CUX1: variants seen among roughly 807,000 people sequenced by gnomAD.
The protein encoded by CUX1 is protein CASP.
CUX1 carries 31 observed loss-of-function variants against 158.8 expected under a neutral mutation model. The observed-to-expected ratio is 0.20, with a 90% CI of 0.15 to 0.26. CUX1 has a LOEUF of 0.26. CUX1 is among the 10% of genes least tolerant of loss of function. The pLI, the probability that CUX1 is intolerant of heterozygous loss-of-function variation, is 1.00. For synonymous variants in CUX1, 879 were observed against 862.1 expected (o/e 1.02, Z -0.34); for missense variants, 1,589 against 2,014.6 (o/e 0.79, Z 4.04).
In CUX1 at chr7:101,879,149, G is replaced by A. The variant is rs182826871; in HGVS notation, c.31-36966G>A. Among the ~76,000 whole-genome samples the A allele has an allele frequency of 4.1e-4, 62 of 152,264 alleles. 1 individual carries two copies. Among genetic ancestry groups the A allele is most frequent in the African/African-American group, 1.5e-3 (61 of 41,528 alleles). ...TTCAAAGCCTTTTCAAGCATATCTT[G>A]AGGACACTGTTCCCTGCAGCTGAAC... On this transcript the variant is annotated intron_variant, in intron 1 of 23. Coordinates refer to ENST00000292535, the MANE Select transcript of CUX1 (RefSeq NM_181552.4).
rs1801113864 is a variant in CUX1 at position 102,248,765 on chromosome 7, C to G, written c.4241C>G (p.Pro1414Arg). The change falls in exon 24 of 24, where the codon CCC becomes CGC. Residue 1414 changes from proline (P) to arginine (R), a missense_variant. By Grantham distance (103) the Pro-to-Arg change is moderately radical. Around this residue, in one of 8 missense-constraint regions of CUX1, gnomAD observed 344 missense variants for 323.7 expected, o/e 1.06. Coordinates refer to ENST00000292535, the MANE Select transcript of CUX1 (RefSeq NM_181552.4). This position sits in a 1 kb window ranked among gnomAD's most constrained non-coding sequence, Gnocchi z 5.8. ...GCCTCCGCGACCGCCACCGCCGCGC[C>G]CGCGGCCCCCGAGGACGCCGCTACC... ...SPASATATAA[P>R]AAPEDAATSA... is the part of the protein sequence containing the mutation. 1.9e-6 allele frequency: 2 copies of G among 1,035,782 alleles called. No individual in the cohort carries two copies. Among genetic ancestry groups the G allele is most frequent in the East Asian group, 7.6e-5 (1 of 13,158 alleles). The allele number at this position is 1,035,782 out of a possible 1,614,324, so 64.2% of individuals were successfully genotyped here. A position where few individuals can be genotyped will look rare whatever the true frequency, so the allele number is the denominator to read the frequency against.
chr7:102,172,494 A>C (rs1039070382), intron 10 of CUX1, among the ~76,000 whole-genome samples: 3 of 152,144 alleles, frequency 2.0e-5, no homozygotes, highest in African/African-American at 7.2e-5. Flanking sequence ...TCCTGTCCTC[A>C]GGTTATCCAC....
intron 10 of CUX1, among the ~76,000 whole-genome samples, chr7:102,178,185 A>G (rs1554512567): frequency 6.6e-6 from 1 of 152,208 alleles, no homozygotes; most frequent in African/African-American, 2.4e-5. Flanking sequence ...TACAGGCGTG[A>G]GCCATTGCAC....
At chr7:102,035,743 A>T (rs2129349737) in intron 3 of CUX1, among the ~76,000 whole-genome samples, 1 of 151,764 alleles carries the variant, frequency 6.6e-6, no homozygotes, top group South Asian at 2.1e-4. Flanking sequence ...ATATTGAAGG[A>T]TATTAAAGGA....
intron 2 of CUX1, among the ~76,000 whole-genome samples, chr7:101,938,933 T>G (rs907488019): frequency 1.3e-5 from 2 of 150,196 alleles, no homozygotes; most frequent in African/African-American, 4.9e-5. Flanking sequence ...CCCAGCTACT[T>G]GGGAGGCTGA....
Position 101,869,962 on chromosome 7 carries a change from C to T in CUX1, c.31-46153C>T, listed in dbSNP as rs1038363051. On this transcript the variant is annotated intron_variant, in intron 1 of 23. Transcript: ENST00000292535. This position sits in a 1 kb window ranked among gnomAD's most constrained non-coding sequence, Gnocchi z 4.5. ...AACCACCACCCTTGGGAAGGCGGCT[C>T]CTCGTGCCCCCCCTCTTGTGCCTTC... Among the ~76,000 whole-genome samples, 1 of 151,976 alleles carries T rather than the reference C, an allele frequency of 6.6e-6. No homozygotes were observed. Among genetic ancestry groups the T allele is most frequent in the African/African-American group, 2.4e-5 (1 of 41,374 alleles).
At chr7:101,929,202 A>G (rs1260018498) in intron 2 of CUX1, among the ~76,000 whole-genome samples, 1 of 152,146 alleles carries the variant, frequency 6.6e-6, no homozygotes, top group Non-Finnish European at 1.5e-5. Flanking sequence ...AAATAAAGCT[A>G]TAAACGAACA....
rs370556144 is a variant in CUX1 at position 101,835,828 on chromosome 7, C to T, written c.30+18159C>T. Among the ~76,000 whole-genome samples the T allele has an allele frequency of 9.2e-5, 14 of 152,246 alleles. No homozygotes were observed. The South Asian group carries it at 1.9e-3, about 20-fold the overall frequency. On this transcript the variant is annotated intron_variant, in intron 1 of 23. Coordinates refer to ENST00000292535, the MANE Select transcript of CUX1 (RefSeq NM_181552.4). ...TTGGCTCACTGCAATCTCCATCTCC[C>T]GGGTTCAAGCGATTCTCCTGCCTCA...
At chr7:102,280,922 C>T (rs547377490) in intron 20 of CUX1, 7 of 1,496,820 alleles carry the variant, frequency 4.7e-6, no homozygotes, top group African/African-American at 1.4e-5. Flanking sequence ...CTCCAGGCAC[C>T]TCTTCACCTG....
intron 1 of CUX1, among the ~76,000 whole-genome samples, chr7:101,840,685 A>G (rs1165126618): frequency 6.6e-6 from 1 of 152,106 alleles, no homozygotes; most frequent in Admixed American, 6.6e-5. Flanking sequence ...TTCAGTTGGA[A>G]TTGAGGTTTA....
At chr7:102,210,085 CTT>C (rs1324804633) in intron 20 of CUX1, among the ~76,000 whole-genome samples, 1 of 151,836 alleles carries the variant, frequency 6.6e-6, no homozygotes, top group Non-Finnish European at 1.5e-5. Context: ...GTGGGTCTCT[CTT>C]TTTTATTCGT....
In CUX1 at chr7:102,097,235, G is replaced by T. The variant is rs1585654242; in HGVS notation, c.269-129G>T. On this transcript the variant is annotated intron_variant, in intron 4 of 23. Transcript: ENST00000292535. ...CCCAGCAAGGGGGCTGGCTGCAGGG[G>T]CATGACTGTGGCCTCTGGGGAGCCC... 2.5e-5 allele frequency: 28 copies of T among 1,107,482 alleles called. No homozygotes were observed. In the East Asian group the frequency reaches 6.7e-4, roughly 26 times the overall value. The allele number at this position is 1,107,482 out of a possible 1,614,324, so 68.6% of individuals were successfully genotyped here. A position where few individuals can be genotyped will look rare whatever the true frequency, so the allele number is the denominator to read the frequency against.
At chr7:101,972,168 G>A (rs541458893) in intron 2 of CUX1, among the ~76,000 whole-genome samples, 2 of 152,104 alleles carry the variant, frequency 1.3e-5, no homozygotes, top group South Asian at 2.1e-4. Context: ...GGGTTTCACC[G>A]TGTTAGCCAG....
chr7:102,222,551 C>T (rs1008120903), intron 20 of CUX1, among the ~76,000 whole-genome samples: 4 of 152,086 alleles, frequency 2.6e-5, no homozygotes, highest in Non-Finnish European at 5.9e-5. Context: ...GCTCCATTCA[C>T]GCCTGGTATG....
At chr7:101,885,867 A>G (rs1800168908) in intron 1 of CUX1, among the ~76,000 whole-genome samples, 2 of 152,202 alleles carry the variant, frequency 1.3e-5, no homozygotes, top group Non-Finnish European at 2.9e-5. Flanking sequence ...TTCTGAGCTC[A>G]TGACTTGTGC....
At chr7:102,224,293 G>A (rs1481324737) in intron 20 of CUX1, among the ~76,000 whole-genome samples, 5 of 151,962 alleles carry the variant, frequency 3.3e-5, no homozygotes, top group South Asian at 2.1e-4. Context: ...TGCAACCTCC[G>A]CCTCCCCCAT....
chr7:102,214,004 G>A (rs781793548), intron 20 of CUX1, among the ~76,000 whole-genome samples: 24 of 152,258 alleles, frequency 1.6e-4, no homozygotes, highest in South Asian at 2.1e-4. Context: ...GTGTGGTGGC[G>A]GATGCCTGTA....
chr7:102,227,947 T>C (rs1271549991), intron 21 of CUX1, among the ~76,000 whole-genome samples: 9 of 117,114 alleles, frequency 7.7e-5, no homozygotes, highest in African/African-American at 2.9e-4. Flanking sequence ...TGTCTCTTTT[T>C]TTTCTTTTTT....
intron 17 of CUX1, among the ~76,000 whole-genome samples, chr7:102,275,747 AC>A (rs1554547615): frequency 1.3e-5 from 2 of 152,180 alleles, no homozygotes; most frequent in African/African-American, 4.8e-5. Context: ...GGTGGCTCAC[AC>A]CTGTAATCCC....
Sources: allele counts gnomAD v4.1 joint callset (sites outside exome capture counted in the v4.1 genomes callset), GRCh38; gene constraint gnomAD v4.1.1; regional missense constraint gnomAD v4.1.1; non-coding constraint Gnocchi (gnomAD v3.1); transcripts MANE v1.5; gene names NCBI Gene and HGNC (gene_info 2026-07-23, HGNC 2026-07-21).